The following LINGO2 variants were observed in gnomAD, a reference collection of about 807,000 sequenced individuals.
The protein encoded by LINGO2 is leucine rich repeat and Ig domain containing 2.
In LINGO2, 14 loss-of-function variants were observed where a neutral mutation model predicts 30.6. The ratio of observed to expected loss-of-function variants is 0.46; its 90% CI spans 0.30 to 0.72. The LOEUF is 0.72. Among genes scored for constraint, LINGO2 ranks in the 30% least tolerant of loss-of-function variants. LINGO2 has a pLI of 0.07. For missense variants in LINGO2, 729 were observed against 751.7 expected, an observed-to-expected ratio of 0.97 and a Z score of 0.35; for synonymous variants, 317 against 288.5, an observed-to-expected ratio of 1.10 and a Z score of -1.00.
chr9:28,529,460 A>G (rs1821148444), intron 1 of LINGO2, among the ~76,000 whole-genome samples: 1 of 152,092 alleles, frequency 6.6e-6, no homozygotes, highest in African/African-American at 2.4e-5. Context: ...ATATATTCCT[A>G]GTTATCAATA....
chr9:28,253,767 T>G (rs1822288521), intron 4 of LINGO2, among the ~76,000 whole-genome samples: 1 of 152,076 alleles, frequency 6.6e-6, no homozygotes, highest in African/African-American at 2.4e-5. Flanking sequence ...GTTTCATTTG[T>G]AAAATGGGGA....
At chr9:27,953,300 T>C (rs1819406484) in intron 5 of LINGO2, among the ~76,000 whole-genome samples, 2 of 152,186 alleles carry the variant, frequency 1.3e-5, no homozygotes, top group Non-Finnish European at 2.9e-5. Flanking sequence ...AAATGTATCA[T>C]TAGAAAATAA....
At chr9:28,357,029 C>T (rs1171342423) in intron 3 of LINGO2, among the ~76,000 whole-genome samples, 1 of 152,022 alleles carries the variant, frequency 6.6e-6, no homozygotes, top group African/African-American at 2.4e-5. Context: ...CAATCAATTT[C>T]ACTAAATGAA....
chr9:28,511,363 AGT>A (rs765722275), intron 1 of LINGO2, among the ~76,000 whole-genome samples: 14 of 152,154 alleles, frequency 9.2e-5, no homozygotes, highest in Non-Finnish European at 1.5e-4. Flanking sequence ...TTGAGGGCTC[AGT>A]GTTGGTCTCT....
At chr9:28,056,935 A>T (rs1824960212) in intron 4 of LINGO2, among the ~76,000 whole-genome samples, 1 of 152,180 alleles carries the variant, frequency 6.6e-6, no homozygotes, top group South Asian at 2.1e-4. Context: ...ATAATTTGAT[A>T]TTATATTGGA....
chr9:28,762,984 C>G, the LINGO2 span, among the ~76,000 whole-genome samples: 258 of 152,170 alleles, frequency 1.7e-3, 4 homozygotes, highest in African/African-American at 5.9e-3. Context: ...ACGGGTCTGA[C>G]CTTCTCCATC....
chr9:27,994,660 T>C (rs1237262075), intron 5 of LINGO2, among the ~76,000 whole-genome samples: 1 of 152,154 alleles, frequency 6.6e-6, no homozygotes, highest in Non-Finnish European at 1.5e-5. Context: ...AATGAAGAAA[T>C]TCCTAAGAGA....
rs180683952 is a variant in LINGO2, at chr9:28,560,839, G to T, written c.-364-84814C>A. Among the ~76,000 whole-genome samples, 884 of 151,818 alleles carry T rather than the reference G, an allele frequency of 5.8e-3. 3 individuals are homozygous for T. Among genetic ancestry groups the T allele is most frequent in the Admixed American group, 0.012 (187 of 15,264 alleles). Reference sequence around the variant, plus strand: ...ACACCACCATGCTTGGCTAATTTGTGTGTGTGTGTGTTTTTGGTAGAGATG... The same window carrying T: ...ACACCACCATGCTTGGCTAATTTGTTTGTGTGTGTGTTTTTGGTAGAGATG... On this transcript the variant is annotated intron_variant, in intron 1 of 5. Coordinates refer to ENST00000379992, the Ensembl canonical transcript of LINGO2.
At chr9:28,120,088 T>G (rs961864580) in intron 4 of LINGO2, among the ~76,000 whole-genome samples, 1 of 152,156 alleles carries the variant, frequency 6.6e-6, no homozygotes, top group Non-Finnish European at 1.5e-5. Flanking sequence ...TACGGCAACT[T>G]AACAAGTAAA....
At chr9:28,708,308 G>T in the LINGO2 span, among the ~76,000 whole-genome samples, 1 of 152,096 alleles carries the variant, frequency 6.6e-6, no homozygotes, top group Admixed American at 6.6e-5. Flanking sequence ...AAGCACACCT[G>T]TTAGGTATGT....
At chr9:28,302,791 G>A (rs1290695879) in intron 3 of LINGO2, among the ~76,000 whole-genome samples, 1 of 152,148 alleles carries the variant, frequency 6.6e-6, no homozygotes, top group Non-Finnish European at 1.5e-5. Flanking sequence ...TGACCATTGA[G>A]AATTAGTGTG....
chr9:28,453,728 A>C (rs1378112664), intron 2 of LINGO2, among the ~76,000 whole-genome samples: 3 of 151,958 alleles, frequency 2.0e-5, no homozygotes, highest in African/African-American at 7.2e-5. Flanking sequence ...TATTTCATTG[A>C]TGCTCCTTTT....
At chr9:28,001,277 A>C (rs564513368) in intron 5 of LINGO2, among the ~76,000 whole-genome samples, 9 of 152,312 alleles carry the variant, frequency 5.9e-5, no homozygotes, top group Admixed American at 4.6e-4. Flanking sequence ...ATGCCACAGA[A>C]GCCCTCAGGG....
intron 1 of LINGO2, among the ~76,000 whole-genome samples, chr9:28,663,121 G>A (rs921698566): frequency 7.9e-5 from 12 of 151,460 alleles, no homozygotes; most frequent in Non-Finnish European, 1.6e-4. Context: ...CTTCTTTTCT[G>A]CCGACAAGTA....
rs574561156 is a variant in LINGO2, at chr9:28,258,173, A to G, written c.-87+37035T>C. 7.2e-5 allele frequency among the ~76,000 whole-genome samples: 11 copies of G among 152,076 alleles called. No homozygotes were observed. In the East Asian group the frequency reaches 1.9e-3, roughly 27 times the overall value. On this transcript the variant is annotated intron_variant, in intron 4 of 5. Coordinates refer to ENST00000379992, the Ensembl canonical transcript of LINGO2. The stretch of plus-strand genomic sequence containing the variant: ...ACAAAAGAAGTGTCTAATCAGGTTC[A>G]TTTTAAACCACTTCACAAATACAAA...
chr9:28,389,340 G>A lies in LINGO2; in HGVS notation c.-278-16472C>T, dbSNP rs575771316. ...ATAATGTCAGAGAAAGATAATGTTTGTCTTCAAATATTATTACTTTACAAT... is the reference window on the plus strand; with the variant it reads ...ATAATGTCAGAGAAAGATAATGTTTATCTTCAAATATTATTACTTTACAAT... On this transcript the variant is annotated intron_variant, in intron 2 of 5. Coordinates refer to ENST00000379992, the Ensembl canonical transcript of LINGO2. Among the ~76,000 whole-genome samples, 18 of 152,170 alleles carry A rather than the reference G, an allele frequency of 1.2e-4. No homozygotes were observed. The East Asian group carries it at 3.3e-3, about 28-fold the overall frequency.
the LINGO2 span, among the ~76,000 whole-genome samples, chr9:28,977,701 T>G: frequency 6.6e-6 from 1 of 152,188 alleles, no homozygotes; most frequent in Non-Finnish European, 1.5e-5. Flanking sequence ...AGATCCCGTT[T>G]TTCCCCGTAG....
At chr9:28,648,046 G>C (rs927576760) in intron 1 of LINGO2, among the ~76,000 whole-genome samples, 3 of 151,796 alleles carry the variant, frequency 2.0e-5, no homozygotes, top group Non-Finnish European at 4.4e-5. Context: ...TTAAGCACAA[G>C]ACAAGACAGA....
At chr9:28,174,917 TGTGTGAGA>T (rs1828704468) in intron 4 of LINGO2, among the ~76,000 whole-genome samples, 2 of 139,872 alleles carry the variant, frequency 1.4e-5, no homozygotes, top group African/African-American at 2.8e-5. Context: ...TGTGTGTGTG[TGTGTGAGA>T]GAGAGAGAGA....
Sources: gnomAD v4.1 joint callset for allele counts (sites outside exome capture counted in the v4.1 genomes callset) on GRCh38, gnomAD v4.1.1 for gene constraint, MANE v1.5 for transcripts, NCBI Gene and HGNC (gene_info 2026-07-23, HGNC 2026-07-21) for gene names.